Variants in CACNA1D observed in about 807,000 individuals in gnomAD.
CACNA1D encodes voltage-dependent L-type calcium channel subunit alpha-1D.
Under a neutral mutation model 257.1 loss-of-function variants are expected in CACNA1D, and 55 were observed. The observed-to-expected ratio is 0.21, with a 90% confidence interval of 0.17 to 0.27. The LOEUF (loss-of-function observed/expected upper bound fraction) is 0.27, where lower values mean the gene tolerates loss of function less well. Ranked by LOEUF, CACNA1D falls within the 10% of genes least tolerant of loss-of-function variation. The pLI, the probability that CACNA1D is intolerant of heterozygous loss-of-function variation, is 1.00. For missense variants in CACNA1D, 1,876 were observed against 2,784.0 expected, an observed-to-expected ratio of 0.67 and a Z score of 7.34; for synonymous variants, 980 against 1,014.9, an observed-to-expected ratio of 0.97 and a Z score of 0.65.
intron 29 of CACNA1D, among the ~76,000 whole-genome samples, chr3:53,760,929 A>G (rs1175804762): frequency 1.7e-4 from 26 of 152,202 alleles, no homozygotes; most frequent in Admixed American, 1.7e-3. Flanking sequence ...ATCATCCTTC[A>G]GGGCTTTTGA....
At chr3:53,645,597 G>C (rs2633711) in intron 3 of CACNA1D, among the ~76,000 whole-genome samples, 4,978 of 152,032 alleles carry the variant, frequency 0.033, 277 homozygotes, top group African/African-American at 0.11. Flanking sequence ...CTGTATTCTT[G>C]GCACCTCTGT....
rs574441376 is a variant in CACNA1D at position 53,658,323 on chromosome 3, A to G, written c.624-1810A>G. 7.2e-5 allele frequency among the ~76,000 whole-genome samples: 11 copies of G among 152,316 alleles called. No individual in the cohort carries two copies. The East Asian group carries it at 2.1e-3, about 29-fold the overall frequency. On this transcript the variant is annotated intron_variant, in intron 4 of 47. Coordinates refer to ENST00000350061, the MANE Select transcript of CACNA1D (RefSeq NM_001128840.3). ...GAGGAGAACTGAGGCCCAGAGAAGG[A>G]GAGGGACTTTCCTAATATCTCATAA...
chr3:53,683,671 G>A (rs2094451179), intron 8 of CACNA1D, among the ~76,000 whole-genome samples: 1 of 152,082 alleles, frequency 6.6e-6, no homozygotes, highest in Non-Finnish European at 1.5e-5. Flanking sequence ...TTAAGGAACT[G>A]AAGGAAAAGA....
chr3:53,775,844 T>G, intron 34 of CACNA1D, 42 bp from the exon 35 acceptor site: 2 of 1,603,584 alleles, frequency 1.2e-6, no homozygotes, highest in Non-Finnish European at 1.7e-6. Flanking sequence ...TCAAATTCCT[T>G]CTTTCCCCCA....
intron 7 of CACNA1D, among the ~76,000 whole-genome samples, chr3:53,671,744 A>G (rs2094325188): frequency 6.6e-6 from 1 of 152,130 alleles, no homozygotes; most frequent in East Asian, 1.9e-4. Flanking sequence ...ATTTTTTTTA[A>G]TGTTCACTTT....
intron 3 of CACNA1D, among the ~76,000 whole-genome samples, chr3:53,509,257 T>A (rs2091003261): frequency 6.6e-6 from 1 of 151,342 alleles, no homozygotes; most frequent in Non-Finnish European, 1.5e-5. Flanking sequence ...CCTGAACTGA[T>A]CAGTGAGCTC....
chr3:53,804,991 A>T lies in CACNA1D; in HGVS notation c.5594A>T (p.Tyr1865Phe), dbSNP rs200271826. 1 of 1,613,694 alleles carries T rather than the reference A, an allele frequency of 6.2e-7. No homozygotes were observed. The highest frequency in any genetic ancestry group is 8.5e-7 in the Non-Finnish European group (1 of 1,179,732). ...DSSPTWSRQN[Y>F]GYYSRYPGRN... is the part of the protein sequence containing the mutation. The stretch of plus-strand genomic sequence containing the variant: ...TCCTCTCTGACCTCCAGGCAAAACT[A>T]TGGCTACTACAGCAGATACCCAGGC... Residue 1865 changes from tyrosine to phenylalanine, a missense_variant, in exon 45 of 48, where the codon TAT becomes TTT. Physicochemically the swap from Tyr to Phe is conservative, Grantham distance 22 (BLOSUM62 3). This residue lies in a region of CACNA1D where 491 missense variants were observed against 554.3 expected (regional missense o/e 0.89). Transcript: ENST00000350061.
chr3:53,743,217 A>G (rs1225039269), intron 22 of CACNA1D, 100 bp downstream of exon 22: 3 of 762,478 alleles, frequency 3.9e-6, no homozygotes, highest in Non-Finnish European at 7.1e-6. Flanking sequence ...TTTCATGATT[A>G]TATTTAGTTA....
intron 9 of CACNA1D, among the ~76,000 whole-genome samples, chr3:53,713,543 T>TGTGTGTGTGTGAGA (rs377132134): frequency 2.3e-4 from 28 of 121,010 alleles, no homozygotes; most frequent in African/African-American, 7.9e-4. Context: ...TGTGTGTGTG[T>TGTGTGTGTGTGAGA]GAGAGATTTG....
At chr3:53,689,064 G>A (rs71301848) in intron 8 of CACNA1D, among the ~76,000 whole-genome samples, 9,179 of 152,274 alleles carry the variant, frequency 0.06, 324 homozygotes, top group Non-Finnish European at 0.071. Context: ...ATGTTTCAGC[G>A]TCAAACCTGT....
intron 7 of CACNA1D, among the ~76,000 whole-genome samples, chr3:53,672,439 G>T (rs1440752185): frequency 6.6e-6 from 1 of 152,138 alleles, no homozygotes; most frequent in East Asian, 1.9e-4. Context: ...ATCTAAGGTG[G>T]GTTTGGTTTC....
intron 3 of CACNA1D, among the ~76,000 whole-genome samples, chr3:53,528,067 T>A (rs558609188): frequency 6.6e-6 from 1 of 152,222 alleles, no homozygotes; most frequent in Non-Finnish European, 1.5e-5. Context: ...TGATTTTTCT[T>A]TTATGGTTAA....
At chr3:53,741,366 C>T (rs372620330) in intron 21 of CACNA1D, among the ~76,000 whole-genome samples, 19 of 152,264 alleles carry the variant, frequency 1.2e-4, no homozygotes, top group African/African-American at 4.6e-4. Context: ...ATGTATTTTG[C>T]ATCGGACTAC....
chr3:53,618,685 G>A (rs548457828), intron 3 of CACNA1D, among the ~76,000 whole-genome samples: 4 of 152,324 alleles, frequency 2.6e-5, no homozygotes, highest in South Asian at 2.1e-4. Flanking sequence ...CAGATGTTGT[G>A]CTCCTTAAGG....
At chr3:53,612,154 T>C (rs2093590285) in intron 3 of CACNA1D, among the ~76,000 whole-genome samples, 1 of 152,246 alleles carries the variant, frequency 6.6e-6, no homozygotes, top group Non-Finnish European at 1.5e-5. Context: ...AATCCTTGAT[T>C]GCTAATTCTA....
intron 40 of CACNA1D, chr3:53,792,484 C>G (rs186457037): frequency 6.6e-6 from 1 of 152,218 alleles, no homozygotes; most frequent in East Asian, 1.9e-4. Context: ...GCCCCTTTCA[C>G]CTGCCCTGAT....
At chr3:53,605,215 C>G (rs1017606612) in intron 3 of CACNA1D, among the ~76,000 whole-genome samples, 13 of 152,204 alleles carry the variant, frequency 8.5e-5, no homozygotes, top group African/African-American at 3.1e-4. Flanking sequence ...CTCCAGACAT[C>G]AGCAATTCCC....
chr3:53,620,089 A>G (rs2093679418), intron 3 of CACNA1D, among the ~76,000 whole-genome samples: 1 of 152,212 alleles, frequency 6.6e-6, no homozygotes, highest in African/African-American at 2.4e-5. Flanking sequence ...ACTAAGTATC[A>G]TGTATCAGCT....
intron 3 of CACNA1D, among the ~76,000 whole-genome samples, chr3:53,610,954 T>C (rs1221926973): frequency 6.6e-6 from 1 of 152,240 alleles, no homozygotes; most frequent in East Asian, 1.9e-4. Flanking sequence ...TCTCAGCTTT[T>C]GTTTGTTGAA....
Sources: allele counts gnomAD v4.1 joint callset (sites outside exome capture counted in the v4.1 genomes callset), GRCh38; gene constraint gnomAD v4.1.1; regional missense constraint gnomAD v4.1.1; transcripts MANE v1.5; gene names NCBI Gene and HGNC (gene_info 2026-07-23, HGNC 2026-07-21).